The following ATRNL1 variants were observed in gnomAD, a reference collection of about 807,000 sequenced individuals.
ATRNL1 encodes the protein attractin-like protein 1.
In ATRNL1, 95 loss-of-function variants were observed where a neutral mutation model predicts 182.7. The observed-to-expected ratio is 0.52, with a 90% CI of 0.44 to 0.62. The LOEUF is 0.62. Among genes scored for constraint, ATRNL1 ranks in the 20% least tolerant of loss-of-function variants. The pLI is 0.00. For synonymous variants in ATRNL1, 576 were observed against 568.3 expected (o/e 1.01, Z -0.19); for missense variants, 1,471 against 1,679.5 (o/e 0.88, Z 2.17).
intron 26 of ATRNL1, among the ~76,000 whole-genome samples, chr10:115,586,757 CAA>C (rs1208559741): frequency 8.4e-6 from 1 of 119,612 alleles, no homozygotes; most frequent in African/African-American, 2.7e-5. Flanking sequence ...CTCAGCTCGT[CAA>C]AGTCATTCTC....
At chr10:115,498,459 A>G (rs1849659052) in intron 24 of ATRNL1, among the ~76,000 whole-genome samples, 1 of 152,042 alleles carries the variant, frequency 6.6e-6, no homozygotes, top group African/African-American at 2.4e-5. Context: ...AAGCTCTATG[A>G]TGCCATTTTT....
chr10:115,725,500 C>G (rs782676244), intron 26 of ATRNL1, among the ~76,000 whole-genome samples: 1 of 152,118 alleles, frequency 6.6e-6, no homozygotes, highest in African/African-American at 2.4e-5. Context: ...GTCTAGCAAT[C>G]ACTTGTCATA....
chr10:115,786,078 C>T (rs1949389829), intron 27 of ATRNL1, among the ~76,000 whole-genome samples: 1 of 152,194 alleles, frequency 6.6e-6, no homozygotes. Flanking sequence ...GCTTTCTCTA[C>T]AGCTTCCCTC....
intron 8 of ATRNL1, among the ~76,000 whole-genome samples, chr10:115,185,790 C>G (rs1446087837): frequency 6.6e-6 from 1 of 151,974 alleles, no homozygotes; most frequent in Non-Finnish European, 1.5e-5. Context: ...AGTAGAGAAA[C>G]CTGTCAATAA....
intron 20 of ATRNL1, among the ~76,000 whole-genome samples, chr10:115,421,373 T>C (rs2134376704): frequency 6.6e-6 from 1 of 152,270 alleles, no homozygotes; most frequent in South Asian, 2.1e-4. Context: ...ATCCCAGTAA[T>C]GCAAGTACAG....
intron 27 of ATRNL1, among the ~76,000 whole-genome samples, chr10:115,756,791 G>A (rs1425688615): frequency 2.0e-5 from 3 of 152,126 alleles, no homozygotes; most frequent in Non-Finnish European, 4.4e-5. Flanking sequence ...TATTGTGTGG[G>A]AGTCTAAGTC....
At chr10:115,289,766 T>C (rs1056068030) in intron 15 of ATRNL1, among the ~76,000 whole-genome samples, 4 of 152,222 alleles carry the variant, frequency 2.6e-5, no homozygotes, top group Non-Finnish European at 5.9e-5. Context: ...ACCAGTACCA[T>C]GCTGTTTTGT....
At chr10:115,412,217 C>T (rs782571373) in intron 20 of ATRNL1, among the ~76,000 whole-genome samples, 1 of 152,014 alleles carries the variant, frequency 6.6e-6, no homozygotes, top group Non-Finnish European at 1.5e-5. Context: ...TGAGGATAGC[C>T]ACCAGCCAAT....
chr10:115,544,485 G>A (rs782176301), intron 25 of ATRNL1, among the ~76,000 whole-genome samples: 2 of 152,172 alleles, frequency 1.3e-5, no homozygotes, highest in Non-Finnish European at 2.9e-5. Context: ...CATGGTAGAA[G>A]GTGAAGGGGG....
chr10:115,943,930 G>A (rs1035570636), intron 28 of ATRNL1, among the ~76,000 whole-genome samples: 5 of 152,072 alleles, frequency 3.3e-5, no homozygotes, highest in East Asian at 3.9e-4. Flanking sequence ...AAAGGAGACC[G>A]TCTGAAAGGC....
Position 115,282,243 on chromosome 10 carries a change from CT to C in ATRNL1, c.2233+763del, listed in dbSNP as rs1422162207. On this transcript the variant is annotated intron_variant, in intron 14 of 28. Transcript: ENST00000355044. ...ATATAATTTTATAATAAATACATTTCTTTTTTTATTTTTTTAAAATTATTAT... is the reference window on the plus strand; with the variant it reads ...ATATAATTTTATAATAAATACATTTCTTTTTTATTTTTTTAAAATTATTAT... Among the ~76,000 whole-genome samples the C allele has an allele frequency of 4.8e-5, 7 of 145,642 alleles. No individual in the cohort carries two copies. In the South Asian group the frequency reaches 6.4e-4, roughly 13 times the overall value.
chr10:115,262,103 T>C (rs1271800061), intron 10 of ATRNL1, among the ~76,000 whole-genome samples: 1 of 151,502 alleles, frequency 6.6e-6, no homozygotes, highest in Non-Finnish European at 1.5e-5. Flanking sequence ...TCTTTATAGC[T>C]GTTTATTTAG....
intron 26 of ATRNL1, among the ~76,000 whole-genome samples, chr10:115,681,372 C>G (rs1221724720): frequency 2.0e-5 from 3 of 152,046 alleles, no homozygotes; most frequent in South Asian, 2.1e-4. Context: ...TGTGTTATCT[C>G]ATTTATTTCT....
chr10:115,407,318 G>T (rs1444071089), intron 20 of ATRNL1, among the ~76,000 whole-genome samples: 5 of 151,984 alleles, frequency 3.3e-5, no homozygotes, highest in Admixed American at 2.0e-4. Context: ...TAGAACATTA[G>T]AACTTATTCC....
chr10:115,786,906 C>T (rs1949409969), intron 27 of ATRNL1, among the ~76,000 whole-genome samples: 1 of 152,108 alleles, frequency 6.6e-6, no homozygotes, highest in Non-Finnish European at 1.5e-5. Flanking sequence ...GAAATCTAAA[C>T]ATTATGTTTT....
chr10:115,489,006 T>G (rs2134646967), intron 24 of ATRNL1, among the ~76,000 whole-genome samples: 1 of 152,260 alleles, frequency 6.6e-6, no homozygotes, highest in East Asian at 1.9e-4. Context: ...CAGGAGCAGG[T>G]TTTTCAGTTT....
At chr10:115,155,989 C>G (rs1406672281) in intron 5 of ATRNL1, among the ~76,000 whole-genome samples, 2 of 152,024 alleles carry the variant, frequency 1.3e-5, no homozygotes, top group East Asian at 3.9e-4. Flanking sequence ...AGACCAGACA[C>G]CAATCAAAAT....
chr10:115,412,568 T>C (rs1325100559), intron 20 of ATRNL1, among the ~76,000 whole-genome samples: 1 of 152,236 alleles, frequency 6.6e-6, no homozygotes, highest in African/African-American at 2.4e-5. Context: ...CCAAGTACTC[T>C]GATATTTTAT....
intron 25 of ATRNL1, among the ~76,000 whole-genome samples, chr10:115,527,863 CTT>C (rs1554986995): frequency 2.6e-5 from 3 of 113,298 alleles, no homozygotes; most frequent in African/African-American, 1.0e-4. Context: ...TCCTTCCTTC[CTT>C]CTTTCCTTCC....
Sources: allele counts gnomAD v4.1 joint callset (sites outside exome capture counted in the v4.1 genomes callset), GRCh38; gene constraint gnomAD v4.1.1; transcripts MANE v1.5; gene names NCBI Gene and HGNC (gene_info 2026-07-23, HGNC 2026-07-21).